PRRX2: variants seen among roughly 807,000 people sequenced by gnomAD.
PRRX2 encodes the protein paired related homeobox 2, also known as paired mesoderm homeobox protein 2.
A neutral mutation model predicts 18.0 loss-of-function variants in PRRX2; 11 were observed. That is an observed-to-expected ratio of 0.61 (90% CI 0.39 to 1.01). The LOEUF (loss-of-function observed/expected upper bound fraction) is 1.01. Among genes scored for constraint, PRRX2 ranks in the 50% least tolerant of loss-of-function variants. The probability of loss-of-function intolerance (pLI) is 0.01; values close to 1 mark genes in which losing one functional copy is unlikely to be tolerated. For missense variants in PRRX2, 387 were observed against 351.0 expected, an observed-to-expected ratio of 1.10 and a Z score of -0.82; for synonymous variants, 177 against 154.8, an observed-to-expected ratio of 1.14 and a Z score of -1.06.
chr9:129,710,821 C>CT (rs901963209), intron 1 of PRRX2, among the ~76,000 whole-genome samples: 3 of 152,118 alleles, frequency 2.0e-5, no homozygotes, highest in African/African-American at 7.2e-5. Context: ...TTGGAACAGC[C>CT]TAGAAGCCCC....
chr9:129,716,839 A>G (rs1832714801), intron 1 of PRRX2, among the ~76,000 whole-genome samples: 1 of 152,188 alleles, frequency 6.6e-6, no homozygotes, highest in Non-Finnish European at 1.5e-5. Context: ...GGAGGGATAA[A>G]GGAAGAACTA....
At chr9:129,678,952 C>T (rs961953607) in intron 1 of PRRX2, among the ~76,000 whole-genome samples, 2 of 152,174 alleles carry the variant, frequency 1.3e-5, no homozygotes, top group Non-Finnish European at 2.9e-5. Flanking sequence ...GCCCAGCTGC[C>T]GTGAGACCTG....
At chr9:129,681,657 C>T (rs1175089009) in intron 1 of PRRX2, among the ~76,000 whole-genome samples, 1 of 152,166 alleles carries the variant, frequency 6.6e-6, no homozygotes. Flanking sequence ...ATCCGGTGCC[C>T]CCTCTCTGCT....
intron 1 of PRRX2, among the ~76,000 whole-genome samples, chr9:129,697,433 T>A (rs1463527151): frequency 2.0e-5 from 3 of 151,228 alleles, no homozygotes; most frequent in Non-Finnish European, 4.4e-5. Flanking sequence ...TCTATTAACG[T>A]CTGTGTGTCT....
At chr9:129,687,921 G>A (rs147680361) in intron 1 of PRRX2, among the ~76,000 whole-genome samples, 3 of 152,326 alleles carry the variant, frequency 2.0e-5, no homozygotes, top group Non-Finnish European at 4.4e-5. Flanking sequence ...TGGAGGTAGC[G>A]GGGACAGTCT....
At chr9:129,720,178 T>C (rs1054647645) in intron 2 of PRRX2, among the ~76,000 whole-genome samples, 5 of 148,456 alleles carry the variant, frequency 3.4e-5, no homozygotes, top group African/African-American at 1.0e-4. Flanking sequence ...TCCCCGCGAG[T>C]CCTCAGCAAG....
At position 129,715,687 on chromosome 9, in the gene PRRX2, CAG is replaced by C. The variant is rs1229121523; in HGVS notation, c.260-3543_260-3542del. Reference sequence around the variant, plus strand: ...AGTCCTAACGATCAAAAATGTCTCACAGGGGCAAAATTGCCCTCGGTTGAGAA... The same window carrying C: ...AGTCCTAACGATCAAAAATGTCTCACGGGCAAAATTGCCCTCGGTTGAGAA... On this transcript the variant is annotated intron_variant, in intron 1 of 3. Coordinates refer to ENST00000372469, the MANE Select transcript of PRRX2 (RefSeq NM_016307.4). The surrounding 1 kb of genome is among the most constrained non-coding windows in gnomAD (Gnocchi z 4.0). Among the ~76,000 whole-genome samples, 3 of 151,922 alleles carry C rather than the reference CAG, an allele frequency of 2.0e-5. No homozygotes were observed. Among genetic ancestry groups the C allele is most frequent in the Non-Finnish European group, 4.4e-5 (3 of 68,014 alleles).
intron 1 of PRRX2, among the ~76,000 whole-genome samples, chr9:129,687,431 A>G (rs868810774): frequency 9.9e-5 from 15 of 152,074 alleles, no homozygotes; most frequent in African/African-American, 3.4e-4. Flanking sequence ...AATCCTTACA[A>G]TGATCCATGA....
intron 1 of PRRX2, among the ~76,000 whole-genome samples, chr9:129,698,120 A>C (rs1048558025): frequency 1.3e-5 from 2 of 151,998 alleles, no homozygotes; most frequent in African/African-American, 4.8e-5. Flanking sequence ...TCCCGTCCCC[A>C]GGCAGCTTCG....
At chr9:129,670,038 C>T (rs1832080339) in intron 1 of PRRX2, among the ~76,000 whole-genome samples, 1 of 147,090 alleles carries the variant, frequency 6.8e-6, no homozygotes, top group African/African-American at 2.5e-5. Context: ...TGCTTCCTGT[C>T]TCTGTGGATT....
intron 1 of PRRX2, among the ~76,000 whole-genome samples, chr9:129,667,614 A>G (rs1373307138): frequency 1.3e-5 from 2 of 151,276 alleles, no homozygotes; most frequent in Non-Finnish European, 2.9e-5. Flanking sequence ...GAGAGGGGTG[A>G]GGAGGGAAGG....
chr9:129,688,913 C>G (rs1392611437), intron 1 of PRRX2, among the ~76,000 whole-genome samples: 2 of 152,190 alleles, frequency 1.3e-5, no homozygotes, highest in African/African-American at 2.4e-5. Flanking sequence ...TCAGGCTTCT[C>G]ATTCATAGAA....
intron 1 of PRRX2, among the ~76,000 whole-genome samples, chr9:129,674,877 C>T (rs117084918): frequency 3.4e-4 from 52 of 152,290 alleles, no homozygotes; most frequent in Non-Finnish European, 5.4e-4. Flanking sequence ...GGAGTCACTG[C>T]GTCAGAATCA....
rs550823417 is a variant in PRRX2, at chr9:129,697,315, G to GTCCCGC, written c.260-21911_260-21906dup. 4.4e-3 allele frequency among the ~76,000 whole-genome samples: 674 copies of GTCCCGC among 152,188 alleles called. 3 individuals are homozygous for GTCCCGC. The highest frequency in any genetic ancestry group is 0.015 in the African/African-American group (626 of 41,556). On this transcript the variant is annotated intron_variant, in intron 1 of 3. Coordinates refer to ENST00000372469, the MANE Select transcript of PRRX2 (RefSeq NM_016307.4). ...TGGCTGGGCTGCAGGGGAGCGCTGC[G>GTCCCGC]TCCCGCTCCCCCTCCCCTAGGCCGT... is the stretch of plus-strand genomic sequence containing the variant.
chr9:129,706,667 G>A (rs1832561437), intron 1 of PRRX2, among the ~76,000 whole-genome samples: 1 of 152,176 alleles, frequency 6.6e-6, no homozygotes, highest in Non-Finnish European at 1.5e-5. Context: ...GTTCGAGGCT[G>A]CAGTAAGCCA....
intron 1 of PRRX2, among the ~76,000 whole-genome samples, chr9:129,712,624 G>A (rs567418470): frequency 6.6e-6 from 1 of 152,286 alleles, no homozygotes; most frequent in Non-Finnish European, 1.5e-5. Context: ...GGACGATGTC[G>A]TTTTGGTTTT....
intron 1 of PRRX2, among the ~76,000 whole-genome samples, chr9:129,687,025 G>A (rs1832307272): frequency 6.6e-6 from 1 of 152,102 alleles, no homozygotes; most frequent in Non-Finnish European, 1.5e-5. Flanking sequence ...CCACCTGCAG[G>A]GAAGCCCCCT....
In PRRX2 at chr9:129,690,504, C is replaced by CTTT. The variant is rs34070492; in HGVS notation, c.259+24396_259+24398dup. Among the ~76,000 whole-genome samples the CTTT allele has an allele frequency of 2.3e-3, 300 of 130,936 alleles. 2 individuals carry two copies. Among genetic ancestry groups the CTTT allele is most frequent in the Non-Finnish European group, 4.2e-3 (258 of 61,782 alleles). The allele number at this position is 130,936 out of a possible 152,430, so 85.9% of individuals were successfully genotyped here. ...TAGCACCATAAGTACGGTGCCAGCT[C>CTTT]TTTTTTTTTTTTTTTTTTTTAAGAC... On this transcript the variant is annotated intron_variant, in intron 1 of 3. Coordinates refer to ENST00000372469, the MANE Select transcript of PRRX2 (RefSeq NM_016307.4).
chr9:129,687,250 C>G (rs1867099), intron 1 of PRRX2, among the ~76,000 whole-genome samples: 99,407 of 152,030 alleles, frequency 0.65, 32,672 homozygotes, highest in African/African-American at 0.71. Flanking sequence ...GAAAAAAAGT[C>G]GGCTGCATTC....
Sources: gnomAD v4.1 joint callset for allele counts (sites outside exome capture counted in the v4.1 genomes callset) on GRCh38, gnomAD v4.1.1 for gene constraint, Gnocchi (gnomAD v3.1) non-coding constraint, MANE v1.5 for transcripts, NCBI Gene and HGNC (gene_info 2026-07-23, HGNC 2026-07-21) for gene names.